The following AKAP9 variants were observed in gnomAD, a reference collection of about 807,000 sequenced individuals.
The protein encoded by AKAP9 is A-kinase anchor protein 9.
AKAP9 carries 311 observed loss-of-function variants against 488.5 expected under a neutral mutation model. The observed-to-expected ratio is 0.64, with a 90% CI of 0.58 to 0.70. The LOEUF (loss-of-function observed/expected upper bound fraction) is 0.70. Among genes scored for constraint, AKAP9 ranks in the 30% least tolerant of loss-of-function variants. The pLI is 0.00. For synonymous variants in AKAP9, 1,462 were observed against 1,483.5 expected, an observed-to-expected ratio of 0.99 and a Z score of 0.33; for missense variants, 4,215 against 4,374.5, an observed-to-expected ratio of 0.96 and a Z score of 1.03.
In AKAP9 at chr7:91,957,963, G is replaced by T. The variant is rs182010995; in HGVS notation, c.49-15748G>T. Among the ~76,000 whole-genome samples the T allele has an allele frequency of 2.4e-4, 36 of 152,244 alleles. 1 individual carries two copies. The highest frequency in any genetic ancestry group is 8.2e-4 in the African/African-American group (34 of 41,554). On this transcript the variant is annotated intron_variant, in intron 1 of 49. Coordinates refer to ENST00000356239, the MANE Select transcript of AKAP9 (RefSeq NM_005751.5). ...GTACAGCACATGCCAAGGGTTTAGA[G>T]ATATGCAGAGATTATGATCCCAAGG...
intron 16 of AKAP9, among the ~76,000 whole-genome samples, chr7:92,034,507 T>A (rs1252845085): frequency 2.2e-4 from 30 of 138,710 alleles, no homozygotes; most frequent in South Asian, 4.7e-4. Context: ...TATTTTTTTT[T>A]TTTTTTTTTT....
At chr7:92,071,565 A>G (rs2158138) in intron 28 of AKAP9, among the ~76,000 whole-genome samples, 86,828 of 151,862 alleles carry the variant, frequency 0.57, 26,170 homozygotes, top group African/African-American at 0.78. Flanking sequence ...CTAAAAATCT[A>G]CTTTCAGAAC....
chr7:92,079,062 T>G lies in AKAP9; in HGVS notation c.6946-17T>G, dbSNP rs941751438. 1.2e-5 allele frequency: 19 copies of G among 1,543,520 alleles called. No homozygotes were observed. Among genetic ancestry groups the G allele is most frequent in the Non-Finnish European group, 1.7e-5 (19 of 1,135,210 alleles). On this transcript the variant is annotated splice_polypyrimidine_tract_variant and intron_variant, in intron 30 of 49. Coordinates refer to ENST00000356239, the MANE Select transcript of AKAP9 (RefSeq NM_005751.5). ...TACATATATATTATGTATGTTACCT[T>G]TTTCATTAATTATTAGGTTATTGAA...
rs73226346 is a variant in AKAP9 at position 92,038,263 on chromosome 7, C to T, written c.4339-156C>T. Among the ~76,000 whole-genome samples, 2,079 of 152,182 alleles carry T rather than the reference C, an allele frequency of 0.014. 17 individuals carry two copies. Among genetic ancestry groups the T allele is most frequent in the Non-Finnish European group, 0.021 (1,445 of 67,990 alleles). On this transcript the variant is annotated intron_variant, in intron 16 of 49. Transcript: ENST00000356239. ...ATTAGATTTATTGTAAAAAGAGAATCCATCTCGGTATTACTTTATTATAGG... is the reference window on the plus strand; with the variant it reads ...ATTAGATTTATTGTAAAAAGAGAATTCATCTCGGTATTACTTTATTATAGG...
At chr7:92,004,710 A>AT (rs1446384764) in intron 8 of AKAP9, among the ~76,000 whole-genome samples, 14 of 152,092 alleles carry the variant, frequency 9.2e-5, no homozygotes, top group African/African-American at 3.4e-4. Flanking sequence ...GCTTAAGGAG[A>AT]TTTTGGGCTG....
intron 21 of AKAP9, among the ~76,000 whole-genome samples, chr7:92,047,222 T>C (rs1807152415): frequency 6.6e-6 from 1 of 152,032 alleles, no homozygotes; most frequent in South Asian, 2.1e-4. Flanking sequence ...TGGTTTTCTT[T>C]CCTTTTTTTT....
At chr7:91,950,395 A>G (rs948577218) in intron 1 of AKAP9, among the ~76,000 whole-genome samples, 15 of 151,920 alleles carry the variant, frequency 9.9e-5, no homozygotes, top group African/African-American at 3.4e-4. Flanking sequence ...AAGCCCGGCT[A>G]ATTTTTCTGT....
rs1283840007 is a variant in AKAP9 at position 92,014,193 on chromosome 7, A to T, written c.3533-56A>T. On this transcript the variant is annotated intron_variant, in intron 9 of 49. Transcript: ENST00000356239. ...CCAGTTGAAACATAAGTTAAATATG[A>T]TCATAGTTCTTAAGTATGTAAATTG... 3 of 1,194,488 alleles carry T rather than the reference A, an allele frequency of 2.5e-6. No homozygotes were observed. In the African/African-American group the frequency reaches 4.5e-5, roughly 18 times the overall value. 74.0% of individuals were successfully genotyped at this position (1,194,488 alleles called of 1,614,324 possible).
intron 14 of AKAP9, among the ~76,000 whole-genome samples, chr7:92,024,754 G>A (rs556249543): frequency 2.8e-4 from 42 of 152,172 alleles, no homozygotes; most frequent in African/African-American, 8.4e-4. Context: ...CTATTGTAGC[G>A]CGGATGTCTT....
chr7:92,044,592 G>A (rs1033884642), intron 20 of AKAP9, among the ~76,000 whole-genome samples: 1 of 152,222 alleles, frequency 6.6e-6, no homozygotes, highest in East Asian at 1.9e-4. Flanking sequence ...AGATTTAAAT[G>A]TGCAAAATAC....
chr7:92,041,720 T>A, intron 18 of AKAP9: 1 of 248,994 alleles, frequency 4.0e-6, no homozygotes, highest in Non-Finnish European at 7.9e-6. Context: ...AATTGGGAGC[T>A]GAGCATAAAA....
intron 38 of AKAP9, chr7:92,089,776 CA>C: frequency 3.1e-6 from 1 of 319,250 alleles, no homozygotes; most frequent in South Asian, 5.7e-5. Context: ...CCATTGGATT[CA>C]TTCTTTTTCT....
chr7:92,051,428 T>C (rs1179906865), intron 21 of AKAP9, among the ~76,000 whole-genome samples: 2 of 152,232 alleles, frequency 1.3e-5, no homozygotes, highest in African/African-American at 4.8e-5. Flanking sequence ...GATGTGTTTT[T>C]TACTTTGGAG....
chr7:92,084,423 A>G (rs1407308659), intron 33 of AKAP9, among the ~76,000 whole-genome samples: 1 of 152,062 alleles, frequency 6.6e-6, no homozygotes, highest in East Asian at 1.9e-4. Flanking sequence ...ATGGATTTGG[A>G]ACATGTTATC....
rs1219426455 is a variant in AKAP9, at chr7:92,083,250, G to A, written c.8241G>A (p.Leu2747=). 6.2e-7 allele frequency: 1 copy of A among 1,614,082 alleles called. No individual in the cohort carries two copies. The highest frequency in any genetic ancestry group is 1.3e-5 in the African/African-American group (1 of 75,028). ...ACCTCGCAGAGGCAAAAGAGAAATT[G>A]TCCATTTTAGAAAAAGAAGATGAGA... is the stretch of plus-strand genomic sequence containing the variant. ...RDHLAEAKEK[L]SILEKEDETE... Residue 2747 remains leucine (L), a synonymous_variant, in exon 33 of 50, where the codon TTG becomes TTA. Coordinates refer to ENST00000356239, the MANE Select transcript of AKAP9 (RefSeq NM_005751.5).
At chr7:92,107,617 A>G (rs1818721880) in intron 48 of AKAP9, 195 bp downstream of exon 48, 2 of 539,816 alleles carry the variant, frequency 3.7e-6, no homozygotes, top group East Asian at 7.0e-5. Flanking sequence ...CGGGCAGATC[A>G]TGAGGTCAGG....
At position 92,083,581 on chromosome 7, in the gene AKAP9, T is replaced by C. The variant is rs1049774675; in HGVS notation, c.8572T>C (p.Tyr2858His). The C allele has an allele frequency of 6.2e-7, 1 of 1,603,354 alleles. No individual in the cohort carries two copies. Among genetic ancestry groups the C allele is most frequent in the Non-Finnish European group, 8.5e-7 (1 of 1,176,472 alleles). ...AACTGAAACCTTAAAGAGGGAACAC[T>C]ATGTTGCCGTTCAGTTACTGAAAGA... The part of the protein sequence containing the change: ...SETETLKREH[Y>H]VAVQLLKEEC... The change falls in exon 33 of 50, where the codon TAT becomes CAT. Residue 2858 changes from tyrosine (Y) to histidine (H), a missense_variant. Physicochemically the swap from Tyr to His is moderately conservative, Grantham distance 83. Transcript: ENST00000356239.
intron 1 of AKAP9, among the ~76,000 whole-genome samples, chr7:91,956,150 C>T (rs980559457): frequency 6.6e-5 from 10 of 151,698 alleles, no homozygotes; most frequent in Non-Finnish European, 1.3e-4. Flanking sequence ...TCTGTGGTCC[C>T]GGCACTTTGG....
rs751675949 is a variant in AKAP9 at position 91,992,198 on chromosome 7, C to T, written c.392C>T (p.Thr131Ile). The T allele has an allele frequency of 6.2e-6, 10 of 1,607,832 alleles. No individual in the cohort carries two copies. In the Admixed American group the frequency reaches 1.7e-4, roughly 27 times the overall value. Residue 131 changes from threonine to isoleucine, a missense_variant, in exon 4 of 50, where the codon ACA becomes ATA. By Grantham distance (89) the Thr-to-Ile change is moderately conservative. Around this residue, in one of 5 missense-constraint regions of AKAP9, gnomAD observed 2,361 missense variants for 2,430.0 expected, o/e 0.97. Coordinates refer to ENST00000356239, the MANE Select transcript of AKAP9 (RefSeq NM_005751.5). ...TTTGTGATGAGAACAGGAAAGCCTACAAATTTATTAAGGGTACAGTATTTA... is the reference window on the plus strand; with the variant it reads ...TTTGTGATGAGAACAGGAAAGCCTATAAATTTATTAAGGGTACAGTATTTA... ...CSFVMRTGKP[T>I]NLLREEEFGV...
Sources: gnomAD v4.1 joint callset for allele counts (sites outside exome capture counted in the v4.1 genomes callset) on GRCh38, gnomAD v4.1.1 for gene constraint, gnomAD v4.1.1 regional missense constraint, MANE v1.5 for transcripts, NCBI Gene and HGNC (gene_info 2026-07-23, HGNC 2026-07-21) for gene names.